The following TNKS2 variants were observed in gnomAD, a reference collection of about 807,000 sequenced individuals.
The protein encoded by TNKS2 is poly [ADP-ribose] polymerase tankyrase-2.
In TNKS2, 72 loss-of-function variants were observed where a neutral mutation model predicts 137.6. That is an observed-to-expected ratio of 0.52 (90% CI 0.43 to 0.64). The LOEUF is 0.64. Among genes scored for constraint, TNKS2 ranks in the 30% least tolerant of loss-of-function variants. The probability of loss-of-function intolerance (pLI) is 0.00; values close to 1 mark genes in which losing one functional copy is unlikely to be tolerated. For missense variants in TNKS2, 1,049 were observed against 1,410.2 expected, an observed-to-expected ratio of 0.74 and a Z score of 4.10; for synonymous variants, 516 against 512.1, an observed-to-expected ratio of 1.01 and a Z score of -0.10.
At chr10:91,845,558 T>C (rs1233181260) in intron 17 of TNKS2, among the ~76,000 whole-genome samples, 194 bp from the exon 18 acceptor site, 1 of 152,260 alleles carries the variant, frequency 6.6e-6, no homozygotes, top group East Asian at 1.9e-4. Flanking sequence ...AGATAGTTTC[T>C]CAAGTTATTG....
At chr10:91,816,293 G>T (rs1374066204) in intron 2 of TNKS2, among the ~76,000 whole-genome samples, 1 of 152,092 alleles carries the variant, frequency 6.6e-6, no homozygotes, top group East Asian at 1.9e-4. Context: ...TAGTAGTTTT[G>T]ATTTGGGGTA....
At position 91,813,119 on chromosome 10, in the gene TNKS2, A is replaced by T. The variant is rs779479582; in HGVS notation, c.336A>T (p.Arg112=). The T allele has an allele frequency of 4.3e-6, 7 of 1,614,146 alleles. No individual in the cohort carries two copies. In the South Asian group the frequency reaches 7.7e-5, roughly 18 times the overall value. ...CTGAAGTAGTCAATCTCCTTTTGCG[A>T]CATGGTGCAGACCCCAATGCTCGAG... ...GHAEVVNLLL[R]HGADPNARDN... is the part of the protein sequence containing the mutation. The change falls in exon 2 of 27, where the codon CGA becomes CGT. Residue 112 remains arginine (R), a synonymous_variant. Coordinates refer to ENST00000371627, the MANE Select transcript of TNKS2 (RefSeq NM_025235.4).
At chr10:91,835,281 T>C (rs1335612635) in intron 12 of TNKS2, among the ~76,000 whole-genome samples, 2 of 148,574 alleles carry the variant, frequency 1.3e-5, no homozygotes, top group Admixed American at 6.8e-5. Flanking sequence ...TTTCTCTTTT[T>C]TTTCTTTTTT....
intron 25 of TNKS2, 138 bp from the exon 26 acceptor site, chr10:91,861,860 CT>C (rs1842861244): frequency 1.4e-6 from 1 of 691,328 alleles, no homozygotes. Context: ...TTAAAAAGTT[CT>C]TTTAGGGGTG....
chr10:91,820,079 TC>T lies in TNKS2; in HGVS notation c.728+47del, dbSNP rs756857353. On this transcript the variant is annotated intron_variant, in intron 6 of 26. Coordinates refer to ENST00000371627, the MANE Select transcript of TNKS2 (RefSeq NM_025235.4). ...AAGGACTTTTTAAATGTTACCCTCT[TC>T]TTAAAACAATCTTTGTAACCTTAGA... 1.3e-5 allele frequency: 16 copies of T among 1,219,670 alleles called. No individual in the cohort carries two copies. In the African/African-American group the frequency reaches 2.3e-4, roughly 18 times the overall value. The allele number at this position is 1,219,670 out of a possible 1,614,324, so 75.6% of individuals were successfully genotyped here.
At chr10:91,809,649 C>T (rs1431271034) in intron 1 of TNKS2, among the ~76,000 whole-genome samples, 2 of 148,380 alleles carry the variant, frequency 1.3e-5, no homozygotes, top group Non-Finnish European at 3.0e-5. Context: ...CTGGGCTAAA[C>T]AGCGGGACTC....
At chr10:91,827,669 C>G (rs1030956847) in intron 8 of TNKS2, among the ~76,000 whole-genome samples, 5 of 152,056 alleles carry the variant, frequency 3.3e-5, no homozygotes, top group Non-Finnish European at 5.9e-5. Context: ...GAAATAACCA[C>G]CTAGTTTGGA....
chr10:91,853,525 T>A (rs763467600), intron 21 of TNKS2, among the ~76,000 whole-genome samples: 13 of 152,238 alleles, frequency 8.5e-5, no homozygotes, highest in Non-Finnish European at 4.4e-5. Context: ...AACTGGTAGC[T>A]GCCTGTGATG....
At chr10:91,835,440 C>T (rs556813103) in intron 12 of TNKS2, among the ~76,000 whole-genome samples, 16 of 151,494 alleles carry the variant, frequency 1.1e-4, no homozygotes, top group African/African-American at 3.9e-4. Context: ...CAGGTGCACA[C>T]CACCACACCC....
intron 1 of TNKS2, among the ~76,000 whole-genome samples, chr10:91,804,229 A>G (rs1414261926): frequency 1.3e-5 from 2 of 152,196 alleles, no homozygotes; most frequent in Admixed American, 1.3e-4. Flanking sequence ...TGCATTAAAC[A>G]AATGTTTGTC....
intron 1 of TNKS2, among the ~76,000 whole-genome samples, chr10:91,800,970 G>A (rs1241429470): frequency 1.3e-5 from 2 of 152,194 alleles, no homozygotes; most frequent in African/African-American, 4.8e-5. Flanking sequence ...GTGGTATTAT[G>A]TAACTGCCTG....
intron 18 of TNKS2, among the ~76,000 whole-genome samples, chr10:91,846,963 G>A (rs1467512838): frequency 6.6e-6 from 1 of 152,150 alleles, no homozygotes; most frequent in Admixed American, 6.5e-5. Context: ...CACGATTTAA[G>A]TTGTACAATC....
At chr10:91,818,357 G>A (rs1016634885) in intron 3 of TNKS2, among the ~76,000 whole-genome samples, 15 of 151,900 alleles carry the variant, frequency 9.9e-5, no homozygotes, top group Admixed American at 2.0e-4. Flanking sequence ...TTTTATATTT[G>A]TATATATTTA....
chr10:91,853,816 T>G (rs890610585), intron 21 of TNKS2, among the ~76,000 whole-genome samples: 1 of 152,216 alleles, frequency 6.6e-6, no homozygotes, highest in East Asian at 1.9e-4. Flanking sequence ...ACCATAGCTT[T>G]GAACCAGAAT....
intron 7 of TNKS2, among the ~76,000 whole-genome samples, chr10:91,823,062 A>AT (rs1844951950): frequency 6.6e-6 from 1 of 151,672 alleles, no homozygotes; most frequent in South Asian, 2.1e-4. Flanking sequence ...AAAAAAAAAA[A>AT]AATAATGTAG....
Position 91,846,207 on chromosome 10 carries a change from G to A in TNKS2, c.2358+267G>A, listed in dbSNP as rs188807146. On this transcript the variant is annotated intron_variant, in intron 18 of 26. Transcript: ENST00000371627. ...AGAAGTACATGATATAACTGCTTAC[G>A]TTAGTTAGGAAACTAAACAGACCCA... Among the ~76,000 whole-genome samples, 591 of 152,216 alleles carry A rather than the reference G, an allele frequency of 3.9e-3. 6 individuals are homozygous for A. The highest frequency in any genetic ancestry group is 0.014 in the African/African-American group (563 of 41,542).
chr10:91,813,261 G>C (rs1217160634), intron 2 of TNKS2, 54 bp downstream of exon 2: 3 of 1,425,406 alleles, frequency 2.1e-6, no homozygotes, highest in Non-Finnish European at 2.9e-6. Flanking sequence ...TTCTGAATCT[G>C]AACTGAATTA....
intron 3 of TNKS2, 122 bp downstream of exon 3, chr10:91,817,351 C>G: frequency 1.9e-6 from 1 of 540,174 alleles, no homozygotes; most frequent in Non-Finnish European, 3.4e-6. Flanking sequence ...AGTTCAGTAG[C>G]TATCCTTTTC....
intron 21 of TNKS2, among the ~76,000 whole-genome samples, chr10:91,853,591 C>G (rs1244107209): frequency 6.6e-6 from 1 of 152,144 alleles, no homozygotes; most frequent in Non-Finnish European, 1.5e-5. Flanking sequence ...TTCAATGCAT[C>G]AAGTCAATAG....
Sources: gnomAD v4.1 joint callset for allele counts (sites outside exome capture counted in the v4.1 genomes callset) on GRCh38, gnomAD v4.1.1 for gene constraint, MANE v1.5 for transcripts, NCBI Gene and HGNC (gene_info 2026-07-23, HGNC 2026-07-21) for gene names.